The following TENM2 variants were observed in gnomAD, a reference collection of about 807,000 sequenced individuals.
TENM2 encodes the protein teneurin transmembrane protein 2, also known as teneurin-2.
TENM2 carries 52 observed loss-of-function variants against 245.2 expected under a neutral mutation model. The observed-to-expected ratio is 0.21, with a 90% CI of 0.17 to 0.27. TENM2 has a LOEUF of 0.27. TENM2 is among the 10% of genes least tolerant of loss of function. The pLI is 1.00. For synonymous variants in TENM2, 1,363 were observed against 1,438.9 expected, an observed-to-expected ratio of 0.95 and a Z score of 1.19; for missense variants, 3,046 against 3,666.8, an observed-to-expected ratio of 0.83 and a Z score of 4.37.
chr5:167,869,583 G>C (rs946382897), intron 2 of TENM2, among the ~76,000 whole-genome samples: 1 of 152,332 alleles, frequency 6.6e-6, no homozygotes, highest in East Asian at 1.9e-4. Context: ...CTTTTCCAGT[G>C]GTGGTGAATG....
At chr5:167,182,774 G>A in the TENM2 span, among the ~76,000 whole-genome samples, 1 of 152,060 alleles carries the variant, frequency 6.6e-6, no homozygotes, top group African/African-American at 2.4e-5. Flanking sequence ...CTCCTCCACT[G>A]TTGCTTTTGC....
intron 2 of TENM2, among the ~76,000 whole-genome samples, chr5:167,557,760 C>T (rs189106564): frequency 1.3e-5 from 2 of 152,190 alleles, no homozygotes; most frequent in East Asian, 1.9e-4. Context: ...ACTGGCATCT[C>T]GTGGATCCAG....
chr5:167,076,060 T>C, the TENM2 span, among the ~76,000 whole-genome samples: 4 of 152,186 alleles, frequency 2.6e-5, no homozygotes, highest in Non-Finnish European at 4.4e-5. Flanking sequence ...TTCTCTTTGC[T>C]CTTTAAGAGG....
chr5:167,608,298 TG>T (rs2127742628), intron 2 of TENM2, among the ~76,000 whole-genome samples: 2 of 152,356 alleles, frequency 1.3e-5, no homozygotes, highest in South Asian at 4.1e-4. Context: ...TCTTGGGGAC[TG>T]TCTCTTGTAG....
At chr5:168,062,552 C>T (rs1284588307) in intron 7 of TENM2, among the ~76,000 whole-genome samples, 1 of 152,086 alleles carries the variant, frequency 6.6e-6, no homozygotes, top group Non-Finnish European at 1.5e-5. Flanking sequence ...AAATTGAAAA[C>T]ACCATTTTCT....
intron 12 of TENM2, among the ~76,000 whole-genome samples, chr5:168,135,957 G>A (rs1755013003): frequency 6.6e-6 from 1 of 152,052 alleles, no homozygotes; most frequent in Non-Finnish European, 1.5e-5. Context: ...TGTTACCAAG[G>A]GATTCTCTAC....
the TENM2 span, among the ~76,000 whole-genome samples, chr5:167,138,222 A>G: frequency 6.6e-6 from 1 of 152,240 alleles, no homozygotes; most frequent in Admixed American, 6.5e-5. Flanking sequence ...TGAAATAATC[A>G]AAGAGGAATC....
intron 2 of TENM2, among the ~76,000 whole-genome samples, chr5:167,469,736 T>C (rs1268321799): frequency 6.6e-6 from 1 of 152,128 alleles, no homozygotes; most frequent in Non-Finnish European, 1.5e-5. Flanking sequence ...CCTAGATTTT[T>C]TTTTCAGAAA....
chr5:167,517,832 T>C lies in TENM2; in HGVS notation c.502+142359T>C, dbSNP rs1157804658. On this transcript the variant is annotated intron_variant, in intron 2 of 28. Transcript: ENST00000518659. ...TGTGTCCCCCAAATAGAGAATTATA[T>C]GCACCTGGTGATGAGGGGGGTTGAT... Among the ~76,000 whole-genome samples, 5 of 152,032 alleles carry C rather than the reference T, an allele frequency of 3.3e-5. 1 individual carries two copies. The highest frequency in any genetic ancestry group is 7.4e-5 in the Non-Finnish European group (5 of 67,990).
intron 2 of TENM2, among the ~76,000 whole-genome samples, chr5:167,745,257 G>A (rs1311780563): frequency 6.6e-6 from 1 of 152,304 alleles, no homozygotes; most frequent in East Asian, 1.9e-4. Context: ...GCATTTCTGC[G>A]GACATTGGCT....
At chr5:167,755,987 C>T (rs914214134) in intron 2 of TENM2, among the ~76,000 whole-genome samples, 7 of 152,060 alleles carry the variant, frequency 4.6e-5, no homozygotes, top group Non-Finnish European at 8.8e-5. Context: ...TATTGAGTTG[C>T]TCTCATTTTA....
At chr5:168,130,593 C>T (rs1754490754) in intron 12 of TENM2, among the ~76,000 whole-genome samples, 3 of 152,182 alleles carry the variant, frequency 2.0e-5, no homozygotes, top group African/African-American at 7.2e-5. Context: ...ACCACCATCA[C>T]CCCTTGTTAA....
chr5:167,885,269 C>G (rs1264397214), intron 3 of TENM2, among the ~76,000 whole-genome samples: 1 of 152,090 alleles, frequency 6.6e-6, no homozygotes, highest in Non-Finnish European at 1.5e-5. Flanking sequence ...TCCAGTATAT[C>G]TATTTTTACT....
At chr5:167,747,758 A>G (rs1761692748) in intron 2 of TENM2, among the ~76,000 whole-genome samples, 1 of 152,146 alleles carries the variant, frequency 6.6e-6, no homozygotes, top group Admixed American at 6.5e-5. Flanking sequence ...TATTTTTCCA[A>G]TTATTTCATG....
chr5:168,127,049 G>A, intron 12 of TENM2, 83 bp downstream of exon 14: 1 of 1,187,530 alleles, frequency 8.4e-7, no homozygotes. Flanking sequence ...AGGGACACAA[G>A]TGCTCTCCCA....
chr5:168,178,589 T>G (rs1759563333), intron 13 of TENM2, among the ~76,000 whole-genome samples: 1 of 151,902 alleles, frequency 6.6e-6, no homozygotes, highest in African/African-American at 2.4e-5. Context: ...ATGAGATGAT[T>G]CCCAGAGGCC....
At chr5:167,445,586 A>T (rs1267020020) in intron 2 of TENM2, among the ~76,000 whole-genome samples, 1 of 152,184 alleles carries the variant, frequency 6.6e-6, no homozygotes, top group Non-Finnish European at 1.5e-5. Flanking sequence ...CATACATTTT[A>T]TCCTCCCAAT....
At chr5:167,605,113 C>T (rs1044921741) in intron 2 of TENM2, among the ~76,000 whole-genome samples, 2 of 152,120 alleles carry the variant, frequency 1.3e-5, no homozygotes, top group Non-Finnish European at 2.9e-5. Flanking sequence ...GGCCACATCA[C>T]GCATATGCTC....
At chr5:168,099,496 TAAGGCCTCA>T (rs569197597) in intron 9 of TENM2, among the ~76,000 whole-genome samples, 2 of 152,200 alleles carry the variant, frequency 1.3e-5, no homozygotes, top group Non-Finnish European at 2.9e-5. Flanking sequence ...CAGGGCACAA[TAAGGCCTCA>T]AAGGGCTTGA....
Sources: allele counts gnomAD v4.1 joint callset (sites outside exome capture counted in the v4.1 genomes callset), GRCh38; gene constraint gnomAD v4.1.1; transcripts MANE v1.5; gene names NCBI Gene and HGNC (gene_info 2026-07-23, HGNC 2026-07-21).